The following SMC6 variants were observed in gnomAD, a reference collection of about 807,000 sequenced individuals.
SMC6 encodes structural maintenance of chromosomes protein 6.
Under a neutral mutation model 142.2 loss-of-function variants are expected in SMC6, and 79 were observed. That is an observed-to-expected ratio of 0.56 (90% CI 0.46 to 0.67). SMC6 has a LOEUF of 0.67. Ranked by LOEUF, SMC6 falls within the 30% of genes least tolerant of loss-of-function variation. The pLI, the probability that SMC6 is intolerant of heterozygous loss-of-function variation, is 0.00. For synonymous variants in SMC6, 411 were observed against 412.4 expected, an observed-to-expected ratio of 1.00 and a Z score of 0.04; for missense variants, 1,072 against 1,284.0, an observed-to-expected ratio of 0.83 and a Z score of 2.52.
In SMC6 at chr2:17,731,810, T is replaced by TA; in HGVS notation, c.411dup (p.Asn138Ter). 1 of 1,613,674 alleles carries TA rather than the reference T, an allele frequency of 6.2e-7. No individual in the cohort carries two copies. Among genetic ancestry groups the TA allele is most frequent in the Non-Finnish European group, 8.5e-7 (1 of 1,179,680 alleles). On this transcript the variant is annotated frameshift_variant, in exon 6 of 28. Coordinates refer to ENST00000448223, the MANE Select transcript of SMC6 (RefSeq NM_001142286.2). LOFTEE classifies it high-confidence loss of function. ...ATGTGTTGCTGTATAAGTATAGAGT[T>TA]ACCATACACACTGGCTTTAAAGGCA...
intron 26 of SMC6, among the ~76,000 whole-genome samples, chr2:17,669,768 T>C (rs900485092): frequency 1.3e-5 from 2 of 152,092 alleles, no homozygotes; most frequent in African/African-American, 4.8e-5. Flanking sequence ...AAGAAAATAA[T>C]TGCTAATTTA....
At chr2:17,669,518 T>C (rs1666658237) in intron 26 of SMC6, among the ~76,000 whole-genome samples, 1 of 152,004 alleles carries the variant, frequency 6.6e-6, no homozygotes, top group Admixed American at 6.6e-5. Context: ...GCAACAGAAT[T>C]AGGGGAGGCA....
At chr2:17,713,896 C>G (rs751076081) in intron 16 of SMC6, among the ~76,000 whole-genome samples, 1 of 152,124 alleles carries the variant, frequency 6.6e-6, no homozygotes, top group African/African-American at 2.4e-5. Context: ...GATGATTTCT[C>G]AACTCCTCTC....
chr2:17,678,208 T>C (rs913960108), intron 25 of SMC6, among the ~76,000 whole-genome samples: 11 of 152,254 alleles, frequency 7.2e-5, no homozygotes, highest in Middle Eastern at 3.4e-3. Context: ...CTGGAGACTA[T>C]GTACTTTCCA....
intron 9 of SMC6, among the ~76,000 whole-genome samples, chr2:17,723,989 C>G (rs796141790): frequency 1.4e-4 from 21 of 152,168 alleles, no homozygotes; most frequent in African/African-American, 5.1e-4. Flanking sequence ...GGGAAGTGCT[C>G]CTTATACTTC....
At chr2:17,690,803 T>C (rs1667670536) in intron 23 of SMC6, among the ~76,000 whole-genome samples, 1 of 152,062 alleles carries the variant, frequency 6.6e-6, no homozygotes, top group Admixed American at 6.5e-5. Flanking sequence ...CGGTTAATTC[T>C]TTTTCTTGGG....
intron 1 of SMC6, among the ~76,000 whole-genome samples, 182 bp from the exon 2 acceptor site, chr2:17,753,246 G>A (rs982005290): frequency 2.0e-5 from 2 of 101,714 alleles, no homozygotes; most frequent in African/African-American, 9.1e-5. Flanking sequence ...TCAGACTCAT[G>A]CTAAGAGCCA....
rs537636550 is a variant in SMC6, at chr2:17,670,389, A to C, written c.3063+34T>G. ...GAAATACATGTTTCAAACAAACAAAAAAATGAAAAAGAGAATTTAAAATTT... is the reference window on the plus strand; with the variant it reads ...GAAATACATGTTTCAAACAAACAAACAAATGAAAAAGAGAATTTAAAATTT... On this transcript the variant is annotated intron_variant, in intron 26 of 27. Transcript: ENST00000448223. 2.1e-4 allele frequency: 326 copies of C among 1,582,572 alleles called. 6 individuals are homozygous for C. In the South Asian group the frequency reaches 3.6e-3, roughly 18 times the overall value.
chr2:17,732,409 T>C (rs184065637), intron 5 of SMC6, among the ~76,000 whole-genome samples: 5 of 152,096 alleles, frequency 3.3e-5, no homozygotes, highest in Admixed American at 3.3e-4. Flanking sequence ...TATCAAGAAG[T>C]GTAACTAGGC....
intron 23 of SMC6, among the ~76,000 whole-genome samples, chr2:17,691,471 G>A (rs972096460): frequency 6.6e-6 from 1 of 150,950 alleles, no homozygotes; most frequent in African/African-American, 2.4e-5. Context: ...AAAAACACAT[G>A]ACTCTCAATA....
Position 17,716,919 on chromosome 2 carries a change from A to T in SMC6, c.1182-14T>A. On this transcript the variant is annotated splice_polypyrimidine_tract_variant and intron_variant, in intron 13 of 27. Transcript: ENST00000448223. ...GATTGGTCAGTACTAACAGTAAATA[A>T]CCCAAAGTGAAAAATGTTAGTTCAA... is the stretch of plus-strand genomic sequence containing the variant. 1 of 1,587,414 alleles carries T rather than the reference A, an allele frequency of 6.3e-7. No individual in the cohort carries two copies.
At chr2:17,738,849 T>C (rs113135094) in intron 4 of SMC6, among the ~76,000 whole-genome samples, 60 of 152,264 alleles carry the variant, frequency 3.9e-4, no homozygotes, top group Admixed American at 2.0e-4. Flanking sequence ...AGTGTTGGTA[T>C]GTTGCCCAGG....
intron 23 of SMC6, among the ~76,000 whole-genome samples, chr2:17,689,482 G>A (rs1170773081): frequency 6.6e-6 from 1 of 152,064 alleles, no homozygotes; most frequent in Non-Finnish European, 1.5e-5. Context: ...AGTACTAAGA[G>A]GTAAAGGGTC....
At position 17,695,211 on chromosome 2, in the gene SMC6, T is replaced by C. The variant is rs1667933056; in HGVS notation, c.2619A>G (p.Arg873=). The change falls in exon 23 of 28, where the codon CGA becomes CGG. Residue 873 remains arginine (R), a synonymous_variant. Transcript: ENST00000448223. ...GTTCTGCCTGTATCTTCTGCCTTAA[T>C]CGATTAATTTCTTTGTCCAGAATTG... is the stretch of plus-strand genomic sequence containing the variant. ...SASILDKEIN[R]LRQKIQAEHA... 1 of 1,613,744 alleles carries C rather than the reference T, an allele frequency of 6.2e-7. No individual in the cohort carries two copies. Among genetic ancestry groups the C allele is most frequent in the Non-Finnish European group, 8.5e-7 (1 of 1,179,824 alleles).
chr2:17,750,996 C>G (rs1302210079), intron 2 of SMC6, among the ~76,000 whole-genome samples: 2 of 86,962 alleles, frequency 2.3e-5, no homozygotes, highest in Non-Finnish European at 2.0e-5. Context: ...CAAGAGTGAA[C>G]AGCTGTCTCA....
intron 18 of SMC6, among the ~76,000 whole-genome samples, 187 bp downstream of exon 18, chr2:17,707,032 A>G (rs575414018): frequency 1.3e-5 from 2 of 152,322 alleles, no homozygotes; most frequent in East Asian, 3.9e-4. Context: ...TGACGTTGTT[A>G]AAGTGATGAT....
chr2:17,719,553 T>C (rs1250940508), intron 11 of SMC6, among the ~76,000 whole-genome samples: 1 of 152,084 alleles, frequency 6.6e-6, no homozygotes, highest in Non-Finnish European at 1.5e-5. Context: ...AAAAAAGAGG[T>C]GAGCATCTAT....
At position 17,745,827 on chromosome 2, in the gene SMC6, C is replaced by G; in HGVS notation, c.120G>C (p.Leu40Phe). 6.2e-7 allele frequency: 1 copy of G among 1,601,156 alleles called. No homozygotes were observed. Among genetic ancestry groups the G allele is most frequent in the Non-Finnish European group, 8.5e-7 (1 of 1,174,986 alleles). Residue 40 changes from leucine (L) to phenylalanine (F), a missense_variant and splice_region_variant, in exon 3 of 28, where the codon TTG (leucine) becomes TTC (phenylalanine). This residue lies in a region of SMC6 where 994 missense variants were observed against 1,153.2 expected (regional missense o/e 0.86). Transcript: ENST00000448223. Reference sequence around the variant, plus strand: ...CATAATTTTGTAATTTTTCGCTTACCAAAGTAGTACCTTTACATTCGTCTT... The same window carrying G: ...CATAATTTTGTAATTTTTCGCTTACGAAAGTAGTACCTTTACATTCGTCTT... ...GDEDECKGTT[L>F]TAAEVGIIES...
intron 16 of SMC6, among the ~76,000 whole-genome samples, chr2:17,712,141 T>C (rs1668857371): frequency 6.6e-6 from 1 of 152,164 alleles, no homozygotes; most frequent in Non-Finnish European, 1.5e-5. Flanking sequence ...TATCTAATGC[T>C]TGAGAGAAGG....
Sources: allele counts gnomAD v4.1 joint callset (sites outside exome capture counted in the v4.1 genomes callset), GRCh38; gene constraint gnomAD v4.1.1; regional missense constraint gnomAD v4.1.1; transcripts MANE v1.5; gene names NCBI Gene and HGNC (gene_info 2026-07-23, HGNC 2026-07-21).